CTNND2: variants seen among roughly 807,000 people sequenced by gnomAD.
CTNND2 encodes the protein catenin delta 2.
In CTNND2, 22 loss-of-function variants were observed where a neutral mutation model predicts 144.4. The observed-to-expected ratio is 0.15, with a 90% CI of 0.11 to 0.22. The LOEUF is 0.22. Among genes scored for constraint, CTNND2 ranks in the 10% least tolerant of loss-of-function variants. The pLI, the probability that CTNND2 is intolerant of heterozygous loss-of-function variation, is 1.00. For synonymous variants in CTNND2, 751 were observed against 695.6 expected, an observed-to-expected ratio of 1.08 and a Z score of -1.25; for missense variants, 1,353 against 1,618.8, an observed-to-expected ratio of 0.84 and a Z score of 2.82.
intron 2 of CTNND2, among the ~76,000 whole-genome samples, chr5:11,693,139 G>A (rs1162713714): frequency 3.9e-5 from 6 of 152,110 alleles, no homozygotes; most frequent in Non-Finnish European, 8.8e-5. Context: ...TCCTCGTAAG[G>A]TGAAAGGGAG....
At chr5:11,828,932 C>G (rs577713261) in intron 1 of CTNND2, among the ~76,000 whole-genome samples, 1 of 152,074 alleles carries the variant, frequency 6.6e-6, no homozygotes, top group Non-Finnish European at 1.5e-5. Context: ...ACAATAAAGT[C>G]CAGGCAGAGG....
At chr5:11,424,409 T>C (rs904088484) in intron 3 of CTNND2, among the ~76,000 whole-genome samples, 9 of 152,140 alleles carry the variant, frequency 5.9e-5, no homozygotes, top group African/African-American at 1.9e-4. Flanking sequence ...GATTGTGGCA[T>C]GGTTTCATAC....
At chr5:11,474,128 C>A (rs1767493473) in intron 3 of CTNND2, among the ~76,000 whole-genome samples, 1 of 152,132 alleles carries the variant, frequency 6.6e-6, no homozygotes, top group Non-Finnish European at 1.5e-5. Flanking sequence ...AACCTTCAAC[C>A]CTTTTAACCA....
intron 9 of CTNND2, among the ~76,000 whole-genome samples, chr5:11,279,142 T>C (rs1746857504): frequency 6.6e-6 from 1 of 152,180 alleles, no homozygotes; most frequent in South Asian, 2.1e-4. Context: ...GAATACATGA[T>C]TGCTCGGTTC....
At chr5:11,614,356 C>A (rs1252162283) in intron 2 of CTNND2, among the ~76,000 whole-genome samples, 1 of 152,180 alleles carries the variant, frequency 6.6e-6, no homozygotes, top group African/African-American at 2.4e-5. Context: ...TTCTGCCTCC[C>A]CTTTTCCCAC....
intron 9 of CTNND2, among the ~76,000 whole-genome samples, chr5:11,324,662 T>C (rs1371352163): frequency 6.6e-6 from 1 of 152,244 alleles, no homozygotes; most frequent in Non-Finnish European, 1.5e-5. Context: ...AGCAGAATTC[T>C]GGCTTTCTGG....
At chr5:11,251,882 G>A (rs1371664079) in intron 9 of CTNND2, among the ~76,000 whole-genome samples, 1 of 152,114 alleles carries the variant, frequency 6.6e-6, no homozygotes, top group Non-Finnish European at 1.5e-5. Flanking sequence ...TAAATGTTTT[G>A]AAATGTATCG....
At chr5:11,664,823 T>C (rs1561672021) in intron 2 of CTNND2, among the ~76,000 whole-genome samples, 2 of 152,190 alleles carry the variant, frequency 1.3e-5, no homozygotes, top group African/African-American at 4.8e-5. Context: ...AATGAAGTGC[T>C]CCATCAGGTC....
intron 3 of CTNND2, among the ~76,000 whole-genome samples, chr5:11,562,660 T>C (rs1776771796): frequency 6.6e-6 from 1 of 152,230 alleles, no homozygotes; most frequent in Non-Finnish European, 1.5e-5. Flanking sequence ...ATTGATTATA[T>C]ATCATAAGCT....
chr5:11,826,950 C>A (rs187150247), intron 1 of CTNND2, among the ~76,000 whole-genome samples: 3 of 151,990 alleles, frequency 2.0e-5, no homozygotes, highest in Admixed American at 2.0e-4. Context: ...ATAAAAGAAC[C>A]CTACACAACG....
intron 2 of CTNND2, among the ~76,000 whole-genome samples, chr5:11,622,340 G>A (rs1219709530): frequency 6.6e-6 from 1 of 152,118 alleles, no homozygotes; most frequent in Non-Finnish European, 1.5e-5. Flanking sequence ...CAAGATGACT[G>A]TACCCTTGAT....
intron 3 of CTNND2, among the ~76,000 whole-genome samples, chr5:11,524,059 G>C (rs1344686350): frequency 2.0e-5 from 3 of 152,176 alleles, no homozygotes; most frequent in African/African-American, 7.2e-5. Flanking sequence ...GCCTTCTAGG[G>C]CTGGCTCCTT....
intron 11 of CTNND2, among the ~76,000 whole-genome samples, chr5:11,165,015 G>A (rs1360055204): frequency 6.6e-6 from 1 of 152,114 alleles, no homozygotes; most frequent in Admixed American, 6.5e-5. Context: ...AATAACAGCT[G>A]GATGGTATGA....
chr5:11,015,556 A>G (rs2907088), intron 18 of CTNND2, among the ~76,000 whole-genome samples: 13,006 of 152,238 alleles, frequency 0.085, 1,720 homozygotes, highest in African/African-American at 0.29. Context: ...TAGACAGACA[A>G]TTATGCTTTT....
chr5:11,127,744 G>A (rs954993261), intron 12 of CTNND2, among the ~76,000 whole-genome samples: 8 of 152,158 alleles, frequency 5.3e-5, no homozygotes, highest in African/African-American at 9.7e-5. Context: ...GTTCACAGAC[G>A]GAGAGAAGTT....
intron 2 of CTNND2, among the ~76,000 whole-genome samples, chr5:11,648,041 T>C (rs772179405): frequency 6.6e-6 from 1 of 152,202 alleles, no homozygotes; most frequent in Non-Finnish European, 1.5e-5. Flanking sequence ...AAATCTGGAT[T>C]TAGTACATTT....
intron 2 of CTNND2, among the ~76,000 whole-genome samples, chr5:11,720,969 T>A (rs959408912): frequency 2.1e-4 from 32 of 152,182 alleles, no homozygotes; most frequent in Non-Finnish European, 4.3e-4. Flanking sequence ...TAGGTTTTTA[T>A]TACCCAAGGG....
At chr5:11,879,224 G>A (rs540979887) in intron 1 of CTNND2, among the ~76,000 whole-genome samples, 2 of 151,804 alleles carry the variant, frequency 1.3e-5, no homozygotes, top group South Asian at 2.1e-4. Flanking sequence ...GACAGGCTAC[G>A]GGAGACAGAG....
intron 8 of CTNND2, among the ~76,000 whole-genome samples, chr5:11,357,595 A>G (rs1239043835): frequency 6.6e-6 from 1 of 152,090 alleles, no homozygotes; most frequent in Non-Finnish European, 1.5e-5. Flanking sequence ...AGATAGGAAA[A>G]GTGAATTCTG....
Sources: allele counts gnomAD v4.1 joint callset (sites outside exome capture counted in the v4.1 genomes callset), GRCh38; gene constraint gnomAD v4.1.1; transcripts MANE v1.5; gene names NCBI Gene and HGNC (gene_info 2026-07-23, HGNC 2026-07-21).